SLC22A11: variants seen among roughly 807,000 people sequenced by gnomAD.
The protein encoded by SLC22A11 is solute carrier family 22 member 11.
In SLC22A11, 42 loss-of-function variants were observed where a neutral mutation model predicts 49.4. The ratio of observed to expected loss-of-function variants is 0.85; its 90% CI spans 0.66 to 1.10. The LOEUF (loss-of-function observed/expected upper bound fraction) is 1.10. Among genes scored for constraint, SLC22A11 ranks in the 50% least tolerant of loss-of-function variants. The probability of loss-of-function intolerance (pLI) is 0.00; values close to 1 mark genes in which losing one functional copy is unlikely to be tolerated. For synonymous variants in SLC22A11, 304 were observed against 315.8 expected (o/e 0.96, Z 0.40); for missense variants, 685 against 731.6 (o/e 0.94, Z 0.74).
At position 64,565,387 on chromosome 11, in the gene SLC22A11, G is replaced by A; in HGVS notation, c.1058+50G>A. ...CAAGGCAGGGCTGGGACAGGCAGGA[G>A]GCAGAGCTGGGACAGGCAGGAGGCA... On this transcript the variant is annotated intron_variant, in intron 6 of 9. Coordinates refer to ENST00000301891, the MANE Select transcript of SLC22A11 (RefSeq NM_018484.4). The surrounding 1 kb of genome is among the most constrained non-coding windows in gnomAD (Gnocchi z 4.1). 2 of 1,468,628 alleles carry A rather than the reference G, an allele frequency of 1.4e-6. No individual in the cohort carries two copies. Among genetic ancestry groups the A allele is most frequent in the Non-Finnish European group, 1.8e-6 (2 of 1,081,332 alleles). The allele number at this position is 1,468,628 out of a possible 1,614,324, so 91.0% of individuals were successfully genotyped here. A position where few individuals can be genotyped will look rare whatever the true frequency, so the allele number is the denominator to read the frequency against.
Position 64,562,467 on chromosome 11 carries a change from G to T in SLC22A11, c.821+32G>T. 1 of 1,509,888 alleles carries T rather than the reference G, an allele frequency of 6.6e-7. No individual in the cohort carries two copies. The highest frequency in any genetic ancestry group is 1.4e-5 in the African/African-American group (1 of 71,816). The allele number at this position is 1,509,888 out of a possible 1,614,324, so 93.5% of individuals were successfully genotyped here. On this transcript the variant is annotated intron_variant, in intron 4 of 9. Coordinates refer to ENST00000301891, the MANE Select transcript of SLC22A11 (RefSeq NM_018484.4). This position sits in a 1 kb window ranked among gnomAD's most constrained non-coding sequence, Gnocchi z 4.4. ...ATGATGTGGGACCTTTTCCTTAGGA[G>T]ACCCAGGGTGGGAGGGGGACTCTTC... is the stretch of plus-strand genomic sequence containing the variant.
rs373523316 is a variant in SLC22A11, at chr11:64,562,100, C to G, written c.594C>G (p.Gly198=). ...IFAPTFVIYC[G]LRFVAAFGMA... is the part of the protein sequence containing the mutation. ...CCCCAACATTCGTCATCTACTGCGG[C>G]CTGCGGTTCGTGGCCGCTTTTGGGA... The change falls in exon 3 of 10, where the codon GGC becomes GGG. Residue 198 remains glycine, a synonymous_variant. Coordinates refer to ENST00000301891, the MANE Select transcript of SLC22A11 (RefSeq NM_018484.4). This position sits in a 1 kb window ranked among gnomAD's most constrained non-coding sequence, Gnocchi z 4.4. 247 of 1,613,804 alleles carry G rather than the reference C, an allele frequency of 1.5e-4. No individual in the cohort carries two copies. The highest frequency in any genetic ancestry group is 7.7e-4 in the Admixed American group (46 of 59,998).
intron 8 of SLC22A11, 28 bp from the exon 9 acceptor site, chr11:64,569,624 G>C: frequency 6.3e-7 from 1 of 1,596,530 alleles, no homozygotes; most frequent in Non-Finnish European, 8.6e-7. Context: ...GCTGTTACAG[G>C]GATCTGGGCC....
chr11:64,564,325 C>T lies in SLC22A11; in HGVS notation c.839C>T (p.Ala280Val). The part of the protein sequence containing the change: ...SLISWWLPES[A>V]RWLIIKGKPD... ...CCTTACAGGTGGCTGCCAGAATCCG[C>T]CCGGTGGCTGATTATTAAGGGCAAA... is the stretch of plus-strand genomic sequence containing the variant. The change falls in exon 5 of 10, where the codon GCC becomes GTC. Residue 280 changes from alanine (A) to valine (V), a missense_variant. Transcript: ENST00000301891. This position sits in a 1 kb window ranked among gnomAD's most constrained non-coding sequence, Gnocchi z 4.2. The T allele has an allele frequency of 6.2e-7, 1 of 1,614,118 alleles. No individual in the cohort carries two copies.
rs779834515 is a variant in SLC22A11, at chr11:64,567,638, C to A, written c.1098C>A (p.Asp366Glu). ...TCTCCTACTATGGGCTGGTCTTCGACCTGCAGAGCCTGGGCCGTGACATCT... is the reference window on the plus strand; with the variant it reads ...TCTCCTACTATGGGCTGGTCTTCGAACTGCAGAGCCTGGGCCGTGACATCT... ...LLISYYGLVF[D>E]LQSLGRDIFL... The change falls in exon 7 of 10, where the codon GAC (aspartate) becomes GAA (glutamate). Residue 366 changes from aspartate (D) to glutamate (E), a missense_variant. Transcript: ENST00000301891. 1 of 1,614,142 alleles carries A rather than the reference C, an allele frequency of 6.2e-7. No homozygotes were observed. The highest frequency in any genetic ancestry group is 1.7e-4 in the Middle Eastern group (1 of 6,054).
chr11:64,567,919 C>CTGT (rs2038651142), intron 7 of SLC22A11, 106 bp downstream of exon 7: 7 of 1,225,696 alleles, frequency 5.7e-6, no homozygotes, highest in Non-Finnish European at 7.9e-6. Flanking sequence ...AGCTGCCTCC[C>CTGT]TGTTTTCTTT....
At chr11:64,559,400 A>G (rs2038511029) in intron 2 of SLC22A11, among the ~76,000 whole-genome samples, 162 bp downstream of exon 2, 2 of 151,888 alleles carry the variant, frequency 1.3e-5, no homozygotes, top group Admixed American at 1.3e-4. Flanking sequence ...ACCAACCCAC[A>G]GGCTGTTCCG....
At position 64,556,008 on chromosome 11, in the gene SLC22A11, C is replaced by T; in HGVS notation, c.9C>T (p.Phe3=). 6.2e-7 allele frequency: 1 copy of T among 1,607,332 alleles called. No individual in the cohort carries two copies. ...CCGAGGCAGCTCTGTTCATGGCGTT[C>T]TCGAAGCTCTTGGAGCAAGCCGGAG... is the stretch of plus-strand genomic sequence containing the variant. MA[F]SKLLEQAGGV... Residue 3 remains phenylalanine (F), a synonymous_variant, in exon 1 of 10, where the codon TTC becomes TTT. Coordinates refer to ENST00000301891, the MANE Select transcript of SLC22A11 (RefSeq NM_018484.4).
Position 64,571,380 on chromosome 11 carries a change from G to T in SLC22A11, c.*338G>T, listed in dbSNP as rs2038701601. The T allele has an allele frequency of 3.4e-6, 1 of 292,414 alleles. No homozygotes were observed. The highest frequency in any genetic ancestry group is 4.7e-5 in the Admixed American group (1 of 21,082). The allele number at this position is 292,414 out of a possible 1,614,324, so 18.1% of individuals were successfully genotyped here. On this transcript the variant is annotated 3_prime_UTR_variant, in exon 10 of 10. Transcript: ENST00000301891. ...CCTTCACTCAGCCACGCCAACCAGA[G>T]ACTGGGTTCCAATCTCACCCCACCA... is the stretch of plus-strand genomic sequence containing the variant.
chr11:64,556,181 C>T lies in SLC22A11; in HGVS notation c.182C>T (p.Ser61Phe), dbSNP rs751943384. 1 of 1,614,214 alleles carries T rather than the reference C, an allele frequency of 6.2e-7. No homozygotes were observed. ...ATGCTGGACAATGGCTCTGCGGTTTCCACAAACATGACCCCCAAGGCCCTT... is the reference window on the plus strand; with the variant it reads ...ATGCTGGACAATGGCTCTGCGGTTTTCACAAACATGACCCCCAAGGCCCTT... ...THMLDNGSAVSTNMTPKALLT... is the reference protein window; with the variant it reads ...THMLDNGSAVFTNMTPKALLT... The change falls in exon 1 of 10, where the codon TCC (serine) becomes TTC (phenylalanine). Residue 61 changes from serine (S) to phenylalanine (F), a missense_variant. By Grantham distance (155) the Ser-to-Phe change is radical (BLOSUM62 -2). Transcript: ENST00000301891.
chr11:64,557,627 CTTTT>C (rs766276214), intron 1 of SLC22A11, among the ~76,000 whole-genome samples: 2 of 104,054 alleles, frequency 1.9e-5, no homozygotes, highest in East Asian at 3.3e-4. Context: ...TTTTCTTTCT[CTTTT>C]TTTTTTTTTT....
At chr11:64,568,934 C>T (rs1337280996) in intron 8 of SLC22A11, among the ~76,000 whole-genome samples, 156 bp downstream of exon 8, 2 of 152,220 alleles carry the variant, frequency 1.3e-5, no homozygotes, top group African/African-American at 4.8e-5. Flanking sequence ...TCGACCCAGA[C>T]AGAAGCAGTA....
At chr11:64,568,562 T>C (rs2038660710) in intron 7 of SLC22A11, 108 bp from the exon 8 acceptor site, 2 of 877,712 alleles carry the variant, frequency 2.3e-6, no homozygotes, top group African/African-American at 1.6e-5. Context: ...GCCGGGGACT[T>C]GTAGGGAGCC....
At chr11:64,569,900 C>T (rs751888658) in intron 9 of SLC22A11, 42 bp downstream of exon 9, 3 of 1,598,646 alleles carry the variant, frequency 1.9e-6, no homozygotes, top group East Asian at 2.2e-5. Flanking sequence ...TGGGCTTCCT[C>T]CTGGGCCAAG....
At position 64,571,612 on chromosome 11, in the gene SLC22A11, C is replaced by T. The variant is rs1227243413; in HGVS notation, c.*570C>T. On this transcript the variant is annotated 3_prime_UTR_variant, in exon 10 of 10. Coordinates refer to ENST00000301891, the MANE Select transcript of SLC22A11 (RefSeq NM_018484.4). ...TGAAACTCAGCCCCGGCTACACTGG[C>T]CCCACCACCCACCCTAGCAAAGGCT... is the stretch of plus-strand genomic sequence containing the variant. The T allele has an allele frequency of 6.5e-6, 1 of 153,006 alleles. No individual in the cohort carries two copies. The highest frequency in any genetic ancestry group is 1.5e-5 in the Non-Finnish European group (1 of 68,626). The allele number at this position is 153,006 out of a possible 1,614,324, so 9.5% of individuals were successfully genotyped here.
At position 64,564,225 on chromosome 11, in the gene SLC22A11, G is replaced by A. The variant is rs2038590958; in HGVS notation, c.822-83G>A. On this transcript the variant is annotated intron_variant, in intron 4 of 9. Coordinates refer to ENST00000301891, the MANE Select transcript of SLC22A11 (RefSeq NM_018484.4). The surrounding 1 kb of genome is among the most constrained non-coding windows in gnomAD (Gnocchi z 4.2). The stretch of plus-strand genomic sequence containing the variant: ...TCCTCATCACTCATCTCAGCTGGAG[G>A]GTCCGTGCCCACTGCCCCTTTCCAC... 2 of 1,549,198 alleles carry A rather than the reference G, an allele frequency of 1.3e-6. No homozygotes were observed. Among genetic ancestry groups the A allele is most frequent in the South Asian group, 1.2e-5 (1 of 84,316 alleles).
At position 64,564,571 on chromosome 11, in the gene SLC22A11, C is replaced by T; in HGVS notation, c.942+143C>T. On this transcript the variant is annotated intron_variant, in intron 5 of 9. Coordinates refer to ENST00000301891, the MANE Select transcript of SLC22A11 (RefSeq NM_018484.4). This position sits in a 1 kb window ranked among gnomAD's most constrained non-coding sequence, Gnocchi z 4.2. Reference sequence around the variant, plus strand: ...GCATCTCCACAGACACCACCAACACCTCCATCACCACCTCCACACAGACAC... The same window carrying T: ...GCATCTCCACAGACACCACCAACACTTCCATCACCACCTCCACACAGACAC... 2 of 946,718 alleles carry T rather than the reference C, an allele frequency of 2.1e-6. No individual in the cohort carries two copies. The highest frequency in any genetic ancestry group is 3.3e-4 in the Middle Eastern group (1 of 3,018). 58.6% of individuals were successfully genotyped at this position (946,718 alleles called of 1,614,324 possible).
chr11:64,564,279 C>G lies in SLC22A11; in HGVS notation c.822-29C>G. 6.2e-7 allele frequency: 1 copy of G among 1,613,524 alleles called. No individual in the cohort carries two copies. Among genetic ancestry groups the G allele is most frequent in the Non-Finnish European group, 8.5e-7 (1 of 1,179,730 alleles). On this transcript the variant is annotated intron_variant, in intron 4 of 9. Transcript: ENST00000301891. The surrounding 1 kb of genome is among the most constrained non-coding windows in gnomAD (Gnocchi z 4.2). The stretch of plus-strand genomic sequence containing the variant: ...GCCCCGGGGGAGAGCCCAGCGTGCA[C>G]TCCCAGCTACACACCTGCCTCCTTA...
chr11:64,561,859 T>C, intron 2 of SLC22A11, 145 bp from the exon 3 acceptor site: 1 of 897,918 alleles, frequency 1.1e-6, no homozygotes, highest in Non-Finnish European at 1.7e-6. Flanking sequence ...GCACTCTGAG[T>C]GTACCCCTAA....
Sources: allele counts gnomAD v4.1 joint callset (sites outside exome capture counted in the v4.1 genomes callset), GRCh38; gene constraint gnomAD v4.1.1; non-coding constraint Gnocchi (gnomAD v3.1); transcripts MANE v1.5; gene names NCBI Gene and HGNC (gene_info 2026-07-23, HGNC 2026-07-21).